Variants in LSP1 observed in about 807,000 individuals in gnomAD.
The protein encoded by LSP1 is lymphocyte-specific protein 1.
Under a neutral mutation model 49.3 loss-of-function variants are expected in LSP1, and 32 were observed. The observed-to-expected ratio is 0.65, with a 90% CI of 0.49 to 0.87. The LOEUF is 0.87. Among genes scored for constraint, LSP1 ranks in the 40% least tolerant of loss-of-function variants. The pLI is 0.00. For synonymous variants in LSP1, 179 were observed against 178.8 expected, an observed-to-expected ratio of 1.00 and a Z score of -0.01; for missense variants, 428 against 442.6, an observed-to-expected ratio of 0.97 and a Z score of 0.30.
intron 3 of LSP1, 105 bp from the exon 4 acceptor site, chr11:1,883,314 C>A: frequency 2.1e-6 from 3 of 1,421,176 alleles, no homozygotes; most frequent in East Asian, 4.6e-5. Context: ...AGTAGCCTGA[C>A]TACCTTCATT....
Position 1,889,505 on chromosome 11 carries a change from C to T in LSP1, c.*13+1929C>T, listed in dbSNP as rs894707320. ...GCACCTCTGGCTCCAGGCTCTGCCG[C>T]GGCTCTGGGCACGGAGGCTCTGGGG... is the stretch of plus-strand genomic sequence containing the variant. On this transcript the variant is annotated intron_variant, in intron 10 of 10. Coordinates refer to ENST00000311604, the MANE Select transcript of LSP1 (RefSeq NM_002339.3). 5.8e-5 allele frequency: 36 copies of T among 616,952 alleles called. No individual in the cohort carries two copies. The East Asian group carries it at 7.1e-4, about 12-fold the overall frequency. 38.2% of individuals were successfully genotyped at this position (616,952 alleles called of 1,614,324 possible).
chr11:1,858,227 C>T (rs766789451), intron 1 of LSP1, among the ~76,000 whole-genome samples: 9 of 152,140 alleles, frequency 5.9e-5, no homozygotes, highest in Admixed American at 1.3e-4. Flanking sequence ...CTGTGGGGTT[C>T]GGGTGCTGAG....
At chr11:1,874,727 C>T (rs561393530) in intron 1 of LSP1, among the ~76,000 whole-genome samples, 332 of 152,260 alleles carry the variant, frequency 2.2e-3, no homozygotes, top group Middle Eastern at 6.8e-3. Context: ...TAGTGAGAAC[C>T]GGCAGGGGAG....
At chr11:1,872,988 G>A (rs1306777965) in intron 1 of LSP1, among the ~76,000 whole-genome samples, 2 of 151,970 alleles carry the variant, frequency 1.3e-5, no homozygotes, top group Non-Finnish European at 2.9e-5. Context: ...TGGGGGTATA[G>A]GGGGAAGCAG....
chr11:1,872,419 G>C (rs1420996202), intron 1 of LSP1, among the ~76,000 whole-genome samples: 3 of 145,356 alleles, frequency 2.1e-5, no homozygotes, highest in African/African-American at 7.7e-5. Context: ...GGGCAGGCCT[G>C]GGCTGCAGTC....
chr11:1,887,385 G>A, intron 9 of LSP1, 71 bp downstream of exon 9: 1 of 1,567,240 alleles, frequency 6.4e-7, no homozygotes, highest in South Asian at 1.1e-5. Context: ...ACTGTCCTCT[G>A]TGCATCTGGG....
intron 1 of LSP1, chr11:1,868,749 C>T (rs1440904271): frequency 1.1e-5 from 11 of 985,860 alleles, no homozygotes; most frequent in East Asian, 2.3e-4. Context: ...GTGCAGGGAC[C>T]GAGTGGCCCA....
intron 1 of LSP1, chr11:1,866,383 G>A: frequency 1.7e-6 from 2 of 1,176,274 alleles, no homozygotes; most frequent in Non-Finnish European, 2.3e-6. Context: ...TGCCCATGGG[G>A]GTGAGCTAAG....
At chr11:1,868,858 G>A (rs185542583) in intron 1 of LSP1, 356 of 985,838 alleles carry the variant, frequency 3.6e-4, no homozygotes, top group Middle Eastern at 1.6e-3. Flanking sequence ...GCCAGCAAGC[G>A]GCAGCCAGGG....
Position 1,881,413 on chromosome 11 carries a change from TC to T in LSP1, c.192-13del. The stretch of plus-strand genomic sequence containing the variant: ...AGGCAGCAGCCGCCCAGGCCTAAGC[TC>T]CCCCCTGCTACCCTCAGCCTCAGCC... On this transcript the variant is annotated intron_variant, in intron 2 of 10. Transcript: ENST00000311604. 5 of 1,553,048 alleles carry T rather than the reference TC, an allele frequency of 3.2e-6. No homozygotes were observed. Among genetic ancestry groups the T allele is most frequent in the East Asian group, 2.4e-5 (1 of 41,478 alleles).
rs552404356 is a variant in LSP1 at position 1,870,661 on chromosome 11, G to C, written c.54-9426G>C. 877 of 1,083,712 alleles carry C rather than the reference G, an allele frequency of 8.1e-4. 5 individuals carry two copies. The African/African-American group carries it at 0.013, about 17-fold the overall frequency. 67.1% of individuals were successfully genotyped at this position (1,083,712 alleles called of 1,614,324 possible). The stretch of plus-strand genomic sequence containing the variant: ...GGGTGCCGGCTGTGGCTCCCGCCCA[G>C]GTGGGCACCACGTCTGAATAATGTA... On this transcript the variant is annotated intron_variant, in intron 1 of 10. Transcript: ENST00000311604.
chr11:1,883,186 T>C (rs1214447911), intron 3 of LSP1, among the ~76,000 whole-genome samples: 1 of 152,148 alleles, frequency 6.6e-6, no homozygotes, highest in Non-Finnish European at 1.5e-5. Flanking sequence ...TGGCAGGGAC[T>C]GGGCAGTTCC....
chr11:1,871,540 T>G (rs1164584172), intron 1 of LSP1: 1 of 924,866 alleles, frequency 1.1e-6, no homozygotes, highest in Non-Finnish European at 1.3e-6. Context: ...GGTAGAGGGG[T>G]TGGGGGAAAC....
intron 1 of LSP1, among the ~76,000 whole-genome samples, chr11:1,855,408 C>T (rs1028308522): frequency 2.6e-5 from 4 of 152,200 alleles, no homozygotes; most frequent in African/African-American, 7.2e-5. Context: ...GTGACGGTCT[C>T]AGGACATGCC....
chr11:1,877,895 G>A (rs1306804683), intron 1 of LSP1, among the ~76,000 whole-genome samples: 9 of 152,092 alleles, frequency 5.9e-5, no homozygotes, highest in Non-Finnish European at 1.2e-4. Flanking sequence ...GCCTTTGTGG[G>A]GCTGTTGGGG....
chr11:1,860,652 G>T (rs760241900), intron 1 of LSP1, among the ~76,000 whole-genome samples: 12 of 152,134 alleles, frequency 7.9e-5, no homozygotes. Flanking sequence ...TACTGGAATG[G>T]GTGCTGATTA....
chr11:1,872,850 C>T (rs1425657186), intron 1 of LSP1, among the ~76,000 whole-genome samples: 3 of 152,060 alleles, frequency 2.0e-5, no homozygotes, highest in African/African-American at 4.8e-5. Context: ...CACTCTGGGG[C>T]GAAGTTGATG....
At chr11:1,883,681 C>A (rs1848642211) in intron 4 of LSP1, 121 bp downstream of exon 4, 2 of 1,261,704 alleles carry the variant, frequency 1.6e-6, no homozygotes, top group Non-Finnish European at 1.1e-6. Flanking sequence ...GCACCCCACA[C>A]CCCTAGACCT....
intron 1 of LSP1, among the ~76,000 whole-genome samples, chr11:1,856,183 C>A (rs1428617490): frequency 6.6e-6 from 1 of 152,234 alleles, no homozygotes; most frequent in Non-Finnish European, 1.5e-5. Context: ...CCCTGTGTAG[C>A]CCAGGCCCCC....
Sources: gnomAD v4.1 joint callset for allele counts (sites outside exome capture counted in the v4.1 genomes callset) on GRCh38, gnomAD v4.1.1 for gene constraint, MANE v1.5 for transcripts, NCBI Gene and HGNC (gene_info 2026-07-23, HGNC 2026-07-21) for gene names.